The following NDUFAF6 variants were observed in gnomAD, a reference collection of about 807,000 sequenced individuals.
The protein encoded by NDUFAF6 is NADH:ubiquinone oxidoreductase complex assembly factor 6.
Under a neutral mutation model 40.8 loss-of-function variants are expected in NDUFAF6, and 45 were observed. The ratio of observed to expected loss-of-function variants is 1.10; its 90% confidence interval spans 0.87 to 1.42. The LOEUF (loss-of-function observed/expected upper bound fraction) is 1.42. Ranked by LOEUF, NDUFAF6 falls within the 40% of genes most tolerant of loss-of-function variation. NDUFAF6 has a pLI of 0.00. For synonymous variants in NDUFAF6, 185 were observed against 155.9 expected, an observed-to-expected ratio of 1.19 and a Z score of -1.39; for missense variants, 435 against 418.5, an observed-to-expected ratio of 1.04 and a Z score of -0.34.
At chr8:94,953,981 T>A (rs919665955), upstream of NDUFAF6, among the ~76,000 whole-genome samples, 1 of 152,244 alleles carries the variant, frequency 6.6e-6, no homozygotes, top group African/African-American at 2.4e-5. Context: ...TTTCGGGGCC[T>A]CTTTTCCTGC....
At chr8:95,003,999 C>G (rs931801294) in intron 2 of NDUFAF6, among the ~76,000 whole-genome samples, 1 of 152,206 alleles carries the variant, frequency 6.6e-6, no homozygotes, top group East Asian at 1.9e-4. Context: ...CTGTCACAGA[C>G]TACACGTTCA....
chr8:94,963,030 A>T (rs1563752410), intron 1 of NDUFAF6, among the ~76,000 whole-genome samples: 1 of 151,632 alleles, frequency 6.6e-6, no homozygotes. Context: ...ACCTCCACTG[A>T]TCCACCTGCC....
At chr8:94,939,882 A>T in intron 1 of NDUFAF6, 1 of 1,613,530 alleles carries the variant, frequency 6.2e-7, no homozygotes, top group Non-Finnish European at 8.5e-7. Flanking sequence ...GGGCTATGTA[A>T]TTCATCAGTC....
chr8:95,104,145 G>A (rs922582630), downstream of NDUFAF6, among the ~76,000 whole-genome samples: 3 of 152,134 alleles, frequency 2.0e-5, no homozygotes, highest in African/African-American at 7.2e-5. Context: ...CCAAAGTACT[G>A]GGATTAAGCT....
chr8:94,988,643 G>A (rs1306732380), intron 2 of NDUFAF6: 1 of 152,136 alleles, frequency 6.6e-6, no homozygotes, highest in African/African-American at 2.4e-5. Context: ...CAAATGTGTG[G>A]GAATGAACAT....
chr8:95,058,773 A>G (rs897731660), downstream of NDUFAF6: 14 of 987,090 alleles, frequency 1.4e-5, no homozygotes, highest in African/African-American at 2.4e-4. Flanking sequence ...GTATACTTGC[A>G]TCAGTGTTCT....
intron 2 of NDUFAF6, among the ~76,000 whole-genome samples, chr8:95,017,317 G>T (rs943515883): frequency 1.3e-5 from 2 of 152,000 alleles, no homozygotes; most frequent in Non-Finnish European, 2.9e-5. Context: ...GAGGCATGTG[G>T]AGTCATGTAG....
At chr8:94,904,667 A>G (rs530999677) in intron 1 of NDUFAF6, among the ~76,000 whole-genome samples, 7 of 150,038 alleles carry the variant, frequency 4.7e-5, no homozygotes, top group Non-Finnish European at 8.9e-5. Flanking sequence ...GTTCCTTGTC[A>G]TTTGTTTTTT....
At chr8:95,012,468 C>T (rs1256808090) in intron 2 of NDUFAF6, among the ~76,000 whole-genome samples, 1 of 152,090 alleles carries the variant, frequency 6.6e-6, no homozygotes, top group Non-Finnish European at 1.5e-5. Context: ...CAATAAATGT[C>T]AGATGGGGCA....
chr8:94,973,259 T>A (rs1824621019), intron 1 of NDUFAF6, among the ~76,000 whole-genome samples: 1 of 151,940 alleles, frequency 6.6e-6, no homozygotes, highest in Non-Finnish European at 1.5e-5. Flanking sequence ...TTTCCTTATC[T>A]GTAAAATGGA....
Position 95,057,904 on chromosome 8 carries a change from T to C in NDUFAF6, c.969T>C (p.Tyr323=). 1 of 1,553,928 alleles carries C rather than the reference T, an allele frequency of 6.4e-7. No individual in the cohort carries two copies. The highest frequency in any genetic ancestry group is 1.1e-5 in the South Asian group (1 of 89,674). Residue 323 remains tyrosine (Y), a synonymous_variant, in exon 9 of 9, where the codon TAT becomes TAC. Transcript: ENST00000396124. ...LQQKNTLLPL[Y]LYIQSWRKTY ...AGAAGAATACATTACTTCCATTATA[T>C]TTGTATATTCAGTCATGGAGAAAAA...
chr8:95,079,844 A>G (rs1442697314), downstream of NDUFAF6, among the ~76,000 whole-genome samples: 1 of 151,802 alleles, frequency 6.6e-6, no homozygotes, highest in Non-Finnish European at 1.5e-5. Flanking sequence ...CTTTCCAAGT[A>G]GGTACCCACC....
intron 9 of NDUFAF6, among the ~76,000 whole-genome samples, chr8:95,065,803 G>A (rs978227353): frequency 1.3e-5 from 2 of 152,078 alleles, no homozygotes; most frequent in Non-Finnish European, 2.9e-5. Flanking sequence ...GTCACTTCTA[G>A]GTATAGTTTC....
Position 95,006,882 on chromosome 8 carries a change from A to C in NDUFAF6, c.-83-25113A>C, listed in dbSNP as rs553487184. Reference sequence around the variant, plus strand: ...TGGGTAACAGAACCAGACTTGTCTCAAAAGAAAAGCATACTTTAAAGGTGC... The same window carrying C: ...TGGGTAACAGAACCAGACTTGTCTCCAAAGAAAAGCATACTTTAAAGGTGC... On this transcript the variant is annotated intron_variant, in intron 2 of 9. Coordinates refer to the NDUFAF6 transcript ENST00000396111. Among the ~76,000 whole-genome samples, 7 of 152,214 alleles carry C rather than the reference A, an allele frequency of 4.6e-5. No homozygotes were observed. In the East Asian group the frequency reaches 1.3e-3, roughly 29 times the overall value.
intron 4 of NDUFAF6, among the ~76,000 whole-genome samples, chr8:95,114,154 A>G (rs1182859817): frequency 1.2e-5 from 1 of 82,528 alleles, no homozygotes; most frequent in Non-Finnish European, 2.2e-5. Flanking sequence ...CTTAAAGTAT[A>G]ATAATAATAA....
In NDUFAF6 at chr8:95,032,684, C is replaced by T. The variant is rs147787523; in HGVS notation, c.297+590C>T. 2.2e-3 allele frequency among the ~76,000 whole-genome samples: 341 copies of T among 152,234 alleles called. 2 individuals carry two copies. Among genetic ancestry groups the T allele is most frequent in the African/African-American group, 7.9e-3 (328 of 41,526 alleles). ...AAAACTGGAACAGCCTTAGTCTTCT[C>T]AGTAATAAATTGAGAGGTCAGATAT... On this transcript the variant is annotated intron_variant, in intron 2 of 8. Coordinates refer to ENST00000396124, the MANE Select transcript of NDUFAF6 (RefSeq NM_152416.4).
intron 1 of NDUFAF6, among the ~76,000 whole-genome samples, chr8:94,908,035 G>A (rs1818508914): frequency 6.6e-6 from 1 of 152,124 alleles, no homozygotes; most frequent in South Asian, 2.1e-4. Context: ...TCCCTTGTGT[G>A]TGCCTTGCTA....
downstream of NDUFAF6, among the ~76,000 whole-genome samples, chr8:95,105,559 G>A (rs1454761541): frequency 1.3e-5 from 2 of 152,104 alleles, no homozygotes; most frequent in Non-Finnish European, 2.9e-5. Context: ...TTTTGAGATG[G>A]AGTCTGGCTC....
At chr8:94,904,854 C>T (rs1233229788) in intron 1 of NDUFAF6, among the ~76,000 whole-genome samples, 1 of 151,964 alleles carries the variant, frequency 6.6e-6, no homozygotes, top group African/African-American at 2.4e-5. Flanking sequence ...GCATAACTGT[C>T]ATTGCCTTAT....
Sources: allele counts gnomAD v4.1 joint callset (sites outside exome capture counted in the v4.1 genomes callset), GRCh38; gene constraint gnomAD v4.1.1; transcripts MANE v1.5; gene names NCBI Gene and HGNC (gene_info 2026-07-23, HGNC 2026-07-21).